RALA: variants seen among roughly 807,000 people sequenced by gnomAD.
The protein encoded by RALA is ras-related protein Ral-A.
A neutral mutation model predicts 24.0 loss-of-function variants in RALA; 5 were observed. The observed-to-expected ratio is 0.21, with a 90% CI of 0.11 to 0.44. The LOEUF is 0.44. RALA is among the 20% of genes least tolerant of loss of function. The pLI is 0.99. For missense variants in RALA, 95 were observed against 241.2 expected (o/e 0.39, Z 4.01); for synonymous variants, 77 against 83.8 (o/e 0.92, Z 0.44).
At chr7:39,640,983 A>G (rs768798532) in intron 1 of RALA, among the ~76,000 whole-genome samples, 1 of 152,160 alleles carries the variant, frequency 6.6e-6, no homozygotes, top group Non-Finnish European at 1.5e-5. Context: ...CTCCAGATTC[A>G]GTTCTTCCCA....
intron 2 of RALA, among the ~76,000 whole-genome samples, chr7:39,688,370 C>T (rs1792746937): frequency 1.3e-5 from 2 of 148,578 alleles, no homozygotes; most frequent in African/African-American, 5.0e-5. Flanking sequence ...TTCCAGCCTA[C>T]ACAACAGAGC....
intron 4 of RALA, among the ~76,000 whole-genome samples, chr7:39,700,136 A>C (rs1271676557): frequency 2.0e-5 from 3 of 152,228 alleles, no homozygotes; most frequent in Non-Finnish European, 4.4e-5. Context: ...AATAAAAAAT[A>C]AAATAAAGGT....
chr7:39,639,481 A>G (rs1791743540), intron 1 of RALA, among the ~76,000 whole-genome samples: 1 of 152,140 alleles, frequency 6.6e-6, no homozygotes. Flanking sequence ...CTTGAGCCCA[A>G]GAGTTTGAGG....
chr7:39,690,272 A>T, intron 2 of RALA, 110 bp from the exon 3 acceptor site: 1 of 865,428 alleles, frequency 1.2e-6, no homozygotes, highest in South Asian at 1.8e-5. Context: ...CAAAGGGTAT[A>T]CAGAACTCTT....
chr7:39,660,205 G>A (rs1792164207), intron 1 of RALA, among the ~76,000 whole-genome samples: 1 of 152,018 alleles, frequency 6.6e-6, no homozygotes, highest in African/African-American at 2.4e-5. Flanking sequence ...AATTAGCCGG[G>A]TGTGGTGGTG....
intron 1 of RALA, among the ~76,000 whole-genome samples, chr7:39,643,820 C>T (rs1309531884): frequency 6.6e-6 from 1 of 152,104 alleles, no homozygotes; most frequent in African/African-American, 2.4e-5. Context: ...TCCACGCCAC[C>T]TGCACTCCAG....
At chr7:39,657,558 C>T (rs1206898201) in intron 1 of RALA, among the ~76,000 whole-genome samples, 1 of 152,090 alleles carries the variant, frequency 6.6e-6, no homozygotes, top group Non-Finnish European at 1.5e-5. Flanking sequence ...GGGGTCTGGA[C>T]CTTCTAAACA....
intron 1 of RALA, among the ~76,000 whole-genome samples, chr7:39,668,012 G>A (rs1302676541): frequency 6.6e-6 from 1 of 152,206 alleles, no homozygotes; most frequent in Non-Finnish European, 1.5e-5. Flanking sequence ...AGCCAATGGT[G>A]ACATGAAATT....
At chr7:39,685,719 T>A (rs1207491493) in intron 1 of RALA, among the ~76,000 whole-genome samples, 2 of 151,734 alleles carry the variant, frequency 1.3e-5, no homozygotes, top group African/African-American at 2.4e-5. Flanking sequence ...AAGAAACAGA[T>A]GTTCCAGTAA....
At chr7:39,699,391 C>T (rs529454529) in intron 4 of RALA, among the ~76,000 whole-genome samples, 248 of 152,080 alleles carry the variant, frequency 1.6e-3, no homozygotes, top group African/African-American at 5.8e-3. Context: ...CCACCCGCCT[C>T]GGCCTCCCAA....
chr7:39,698,543 C>T (rs1171979542), intron 4 of RALA, among the ~76,000 whole-genome samples: 1 of 152,074 alleles, frequency 6.6e-6, no homozygotes, highest in African/African-American at 2.4e-5. Context: ...TTTTAAAATA[C>T]TAATGAAAAT....
At position 39,690,373 on chromosome 7, in the gene RALA, C is replaced by A; in HGVS notation, c.115-9C>A. On this transcript the variant is annotated splice_polypyrimidine_tract_variant and intron_variant, in intron 2 of 4. Transcript: ENST00000005257. The stretch of plus-strand genomic sequence containing the variant: ...AATTAAAAAATTGGTGTGTTTTTAT[C>A]TTTTCTAGTTTGTGGAGGACTATGA... The A allele has an allele frequency of 6.3e-7, 1 of 1,591,650 alleles. No individual in the cohort carries two copies. The highest frequency in any genetic ancestry group is 8.5e-7 in the Non-Finnish European group (1 of 1,170,294).
chr7:39,677,577 G>A (rs1327574827), intron 1 of RALA, among the ~76,000 whole-genome samples: 21 of 48,026 alleles, frequency 4.4e-4, no homozygotes, highest in African/African-American at 1.8e-3. Context: ...CCCAGTAATG[G>A]GATGGCTGGG....
At chr7:39,640,106 A>G (rs1791758069) in intron 1 of RALA, among the ~76,000 whole-genome samples, 1 of 152,092 alleles carries the variant, frequency 6.6e-6, no homozygotes, top group South Asian at 2.1e-4. Flanking sequence ...GGAGTGCAGT[A>G]GTGAGATCTT....
chr7:39,624,559 A>G (rs1715452861), intron 1 of RALA: 1 of 152,146 alleles, frequency 6.6e-6, no homozygotes. Context: ...TATGTGTTTA[A>G]GTAGACGGGG....
At chr7:39,664,490 A>G (rs1286753651) in intron 1 of RALA, among the ~76,000 whole-genome samples, 2 of 152,136 alleles carry the variant, frequency 1.3e-5, no homozygotes, top group South Asian at 2.1e-4. Context: ...GAAGTAGTCT[A>G]CTTGCCACCA....
chr7:39,661,590 T>G (rs1369674342), intron 1 of RALA, among the ~76,000 whole-genome samples: 2 of 152,230 alleles, frequency 1.3e-5, no homozygotes, highest in Non-Finnish European at 2.9e-5. Context: ...TTTGACTCCA[T>G]GTCTCACATC....
intron 1 of RALA, among the ~76,000 whole-genome samples, chr7:39,634,548 A>G (rs1337397619): frequency 1.3e-5 from 2 of 152,194 alleles, no homozygotes; most frequent in Non-Finnish European, 2.9e-5. Flanking sequence ...TAAAATATTT[A>G]GTCCATCCCC....
At chr7:39,630,878 T>C (rs1791585943) in intron 1 of RALA, among the ~76,000 whole-genome samples, 1 of 152,244 alleles carries the variant, frequency 6.6e-6, no homozygotes, top group Non-Finnish European at 1.5e-5. Context: ...CTTTGTAGTA[T>C]GTTTTAATGT....
Sources: gnomAD v4.1 joint callset for allele counts (sites outside exome capture counted in the v4.1 genomes callset) on GRCh38, gnomAD v4.1.1 for gene constraint, MANE v1.5 for transcripts, NCBI Gene and HGNC (gene_info 2026-07-23, HGNC 2026-07-21) for gene names.